Variants in KLRG2 observed in about 807,000 individuals in gnomAD.
KLRG2 encodes killer cell lectin like receptor G2, also known as killer cell lectin-like receptor subfamily G member 2.
Under a neutral mutation model 35.4 loss-of-function variants are expected in KLRG2, and 39 were observed. That is an observed-to-expected ratio of 1.10 (90% CI 0.85 to 1.44). The LOEUF is 1.44. KLRG2 is among the 40% of genes most tolerant of loss of function. KLRG2 has a pLI of 0.00. For missense variants in KLRG2, 632 were observed against 570.9 expected (o/e 1.11, Z -1.09); for synonymous variants, 283 against 265.8 (o/e 1.06, Z -0.63).
chr7:139,465,609 G>A (rs900178897), intron 3 of KLRG2, among the ~76,000 whole-genome samples: 21 of 151,462 alleles, frequency 1.4e-4, no homozygotes, highest in Middle Eastern at 3.4e-3. Context: ...GGAGAATGGC[G>A]TGAACCTGGG....
chr7:139,457,525 A>T (rs1182263069), intron 3 of KLRG2, among the ~76,000 whole-genome samples: 2 of 152,162 alleles, frequency 1.3e-5, no homozygotes, highest in East Asian at 3.9e-4. Context: ...ATACTAACAT[A>T]TAAAGCCACG....
intron 2 of KLRG2, 31 bp downstream of exon 2, chr7:139,480,115 A>C: frequency 7.1e-7 from 1 of 1,398,714 alleles, no homozygotes; most frequent in Non-Finnish European, 1.0e-6. Flanking sequence ...AGCGGCAGGG[A>C]GAGGGGATGG....
At chr7:139,452,497 C>G (rs889375315), downstream of KLRG2, among the ~76,000 whole-genome samples, 2 of 151,988 alleles carry the variant, frequency 1.3e-5, no homozygotes, top group African/African-American at 4.8e-5. Context: ...ATCTAGGACT[C>G]TCCATCCCAT....
At chr7:139,468,479 A>G (rs1796703741) in intron 3 of KLRG2, among the ~76,000 whole-genome samples, 1 of 151,836 alleles carries the variant, frequency 6.6e-6, no homozygotes, top group Non-Finnish European at 1.5e-5. Flanking sequence ...CCAGAGAACA[A>G]CCCTCTTTGA....
In KLRG2 at chr7:139,480,137, A is replaced by T; in HGVS notation, c.859+9T>A. On this transcript the variant is annotated intron_variant, in intron 2 of 4. Coordinates refer to ENST00000340940, the MANE Select transcript of KLRG2 (RefSeq NM_198508.4). ...GGGAGAGGGGATGGGGACTGCAGGG[A>T]CACCATACCTGCTCTTGAGGCCAGG... 22 of 1,595,764 alleles carry T rather than the reference A, an allele frequency of 1.4e-5. No homozygotes were observed. The highest frequency in any genetic ancestry group is 1.9e-5 in the Non-Finnish European group (22 of 1,163,338).
At chr7:139,429,922 C>T in the KLRG2 span, among the ~76,000 whole-genome samples, 10,747 of 151,960 alleles carry the variant, frequency 0.071, 1,211 homozygotes, top group African/African-American at 0.25. Context: ...CGGGCAGAGG[C>T]GCCCCTCACC....
chr7:139,444,894 A>G, the KLRG2 span, among the ~76,000 whole-genome samples: 3 of 152,188 alleles, frequency 2.0e-5, no homozygotes, highest in Non-Finnish European at 4.4e-5. Flanking sequence ...ATTTTCTCCT[A>G]TCCATAAGTA....
At position 139,454,022 on chromosome 7, in the gene KLRG2, A is replaced by G. The variant is rs1320802979; in HGVS notation, c.1109+89T>C. 5.7e-6 allele frequency: 5 copies of G among 869,646 alleles called. No homozygotes were observed. The African/African-American group carries it at 8.6e-5, about 15-fold the overall frequency. The allele number at this position is 869,646 out of a possible 1,614,324, so 53.9% of individuals were successfully genotyped here. ...TGGGCTGCTTTCCAAGTGGCATTCC[A>G]GGCTAGGGGAGCAGCAAGGAGGTGG... On this transcript the variant is annotated intron_variant, in intron 4 of 4. Transcript: ENST00000340940.
At chr7:139,448,893 G>A (rs1796338519), downstream of KLRG2, 2 of 151,780 alleles carry the variant, frequency 1.3e-5, no homozygotes, top group South Asian at 2.1e-4. Context: ...TGGATCATGA[G>A]GTCAGGAGTT....
At chr7:139,429,584 C>T in the KLRG2 span, among the ~76,000 whole-genome samples, 2 of 151,458 alleles carry the variant, frequency 1.3e-5, no homozygotes, top group African/African-American at 4.9e-5. Flanking sequence ...TCTTAACGAG[C>T]ATGCTGCCTT....
intron 3 of KLRG2, 25 bp from the exon 4 acceptor site, chr7:139,454,239 A>G (rs1261980722): frequency 4.1e-5 from 47 of 1,132,668 alleles, no homozygotes; most frequent in Non-Finnish European, 1.3e-6. Context: ...TAAGCTGGTC[A>G]CTCCCCTGGA....
intron 3 of KLRG2, among the ~76,000 whole-genome samples, chr7:139,458,770 T>A (rs1354151403): frequency 6.6e-6 from 1 of 152,226 alleles, no homozygotes; most frequent in Non-Finnish European, 1.5e-5. Context: ...GCAAAGTTGT[T>A]ATTAAACTAA....
intron 3 of KLRG2, among the ~76,000 whole-genome samples, chr7:139,469,108 A>G (rs190871628): frequency 6.6e-6 from 1 of 152,360 alleles, no homozygotes; most frequent in East Asian, 1.9e-4. Context: ...GAAGCTAACC[A>G]GTCTGCAGTA....
intron 3 of KLRG2, among the ~76,000 whole-genome samples, chr7:139,458,387 A>AG (rs1032526931): frequency 3.3e-5 from 5 of 152,066 alleles, no homozygotes; most frequent in African/African-American, 7.2e-5. Context: ...CTCAAAAAAA[A>AG]AAAGAAAGAA....
At chr7:139,427,458 CA>C in the KLRG2 span, among the ~76,000 whole-genome samples, 1 of 152,216 alleles carries the variant, frequency 6.6e-6, no homozygotes, top group African/African-American at 2.4e-5. Context: ...AAGCAGAAGT[CA>C]AAGGCTGGTG....
downstream of KLRG2, among the ~76,000 whole-genome samples, chr7:139,450,292 C>G (rs868053915): frequency 6.6e-6 from 1 of 150,996 alleles, no homozygotes; most frequent in Admixed American, 6.6e-5. Flanking sequence ...GGCGCGATCT[C>G]GGCTCACTGC....
chr7:139,431,863 A>G, the KLRG2 span, among the ~76,000 whole-genome samples: 2 of 152,146 alleles, frequency 1.3e-5, no homozygotes, highest in African/African-American at 2.4e-5. Context: ...GGTGAAAGAA[A>G]GGGTTAGAAG....
Position 139,480,216 on chromosome 7 carries a change from C to G in KLRG2, c.789G>C (p.Trp263Cys). The G allele has an allele frequency of 6.2e-7, 1 of 1,613,206 alleles. No homozygotes were observed. Among genetic ancestry groups the G allele is most frequent in the Middle Eastern group, 1.7e-4 (1 of 6,056 alleles). ...GGAGCACAGCCATGAACGCCAGGGC[C>G]CAGTACAGGGACTTCACGTACATGG... ...GLPMYVKSLY[W>C]ALAFMAVLLA... The change falls in exon 2 of 5, where the codon TGG becomes TGC. Residue 263 changes from tryptophan (W) to cysteine (C), a missense_variant. By Grantham distance (215) the Trp-to-Cys change is radical. Transcript: ENST00000340940.
downstream of KLRG2, among the ~76,000 whole-genome samples, chr7:139,450,315 C>G (rs578202955): frequency 1.4e-3 from 207 of 152,182 alleles, 2 homozygotes; most frequent in African/African-American, 4.7e-3. Flanking sequence ...GCTCTGCCTC[C>G]TGGGTTCACG....
Sources: allele counts gnomAD v4.1 joint callset (sites outside exome capture counted in the v4.1 genomes callset), GRCh38; gene constraint gnomAD v4.1.1; transcripts MANE v1.5; gene names NCBI Gene and HGNC (gene_info 2026-07-23, HGNC 2026-07-21).